TUBA4B: variants seen among roughly 807,000 people sequenced by gnomAD.
TUBA4B encodes the protein tubulin-like protein alpha-4B.
Under a neutral mutation model 18.4 loss-of-function variants are expected in TUBA4B, and 13 were observed. The observed-to-expected ratio is 0.71, with a 90% CI of 0.46 to 1.12. The LOEUF (loss-of-function observed/expected upper bound fraction) is 1.12, where lower values mean the gene tolerates loss of function less well. TUBA4B is among the 50% of genes most tolerant of loss of function. The probability of loss-of-function intolerance (pLI) is 0.00; values close to 1 mark genes in which losing one functional copy is unlikely to be tolerated. For missense variants in TUBA4B, 244 were observed against 250.0 expected (o/e 0.98, Z 0.16); for synonymous variants, 101 against 99.1 (o/e 1.02, Z -0.11).
In TUBA4B at chr2:219,253,342, G is replaced by A; in HGVS notation, c.-66G>A. 6 of 1,533,492 alleles carry A rather than the reference G, an allele frequency of 3.9e-6. No homozygotes were observed. The South Asian group carries it at 6.0e-5, about 15-fold the overall frequency. 95.0% of individuals were successfully genotyped at this position (1,533,492 alleles called of 1,614,324 possible). On this transcript the variant is annotated 5_prime_UTR_variant, in exon 1 of 4. Coordinates refer to ENST00000490341, the MANE Select transcript of TUBA4B (RefSeq NM_001355221.1). Reference sequence around the variant, plus strand: ...ACCAACCCTCTCAGCTCAGACGCGGGGTGCTGAGTCACGGGGGGGGGGTGG... The same window carrying A: ...ACCAACCCTCTCAGCTCAGACGCGGAGTGCTGAGTCACGGGGGGGGGGTGG...
chr2:219,270,252 G>A lies in TUBA4B; in HGVS notation c.109G>A (p.Asp37Asn), dbSNP rs751602158. ...HPEQLITGKEDAANNYAWGHY... is the reference protein window; with the variant it reads ...HPEQLITGKENAANNYAWGHY... Reference sequence around the variant, plus strand: ...AGAGCAGCTCATCACAGGCAAGGAAGATGCTGCCAATAACTATGCCTGGGG... The same window carrying A: ...AGAGCAGCTCATCACAGGCAAGGAAAATGCTGCCAATAACTATGCCTGGGG... The change falls in exon 3 of 4, where the codon GAT becomes AAT. Residue 37 changes from aspartate to asparagine, a missense_variant. Physicochemically the swap from Asp to Asn is conservative, Grantham distance 23. Transcript: ENST00000490341. The A allele has an allele frequency of 7.8e-6, 6 of 770,138 alleles. No individual in the cohort carries two copies. In the African/African-American group the frequency reaches 8.5e-5, roughly 11 times the overall value. 47.7% of individuals were successfully genotyped at this position (770,138 alleles called of 1,614,324 possible).
chr2:219,262,369 T>C (rs1951765146), intron 1 of TUBA4B, among the ~76,000 whole-genome samples: 1 of 152,172 alleles, frequency 6.6e-6, no homozygotes, highest in Non-Finnish European at 1.5e-5. Flanking sequence ...TCTTATAGAG[T>C]GGCTTCTGTT....
chr2:219,271,360 C>T lies in TUBA4B; in HGVS notation c.387C>T (p.Thr129=). The T allele has an allele frequency of 6.2e-7, 1 of 1,614,180 alleles. No individual in the cohort carries two copies. The highest frequency in any genetic ancestry group is 8.5e-7 in the Non-Finnish European group (1 of 1,180,026). The change falls in exon 4 of 4, where the codon ACC becomes ACT. Residue 129 remains threonine, a synonymous_variant. Transcript: ENST00000490341. ...TCCAGCCCTACAACTCTATCCTGAC[C>T]ACCCACACCACCCTGGAGCACTCAG... ...AMVQPYNSIL[T]THTTLEHSDC...
In TUBA4B at chr2:219,258,928, T is replaced by G. The variant is rs557492554; in HGVS notation, c.12+5509T>G. On this transcript the variant is annotated intron_variant, in intron 1 of 3. Transcript: ENST00000490341. ...TACCCTGGCCACTGTAGCTAAGAGT[T>G]TATAATCCTTGAGCACGCTTTCTAG... 1.5e-3 allele frequency among the ~76,000 whole-genome samples: 226 copies of G among 151,900 alleles called. 2 individuals carry two copies. Among genetic ancestry groups the G allele is most frequent in the Admixed American group, 3.7e-3 (57 of 15,212 alleles).
chr2:219,270,285 A>C lies in TUBA4B; in HGVS notation c.142A>C (p.Thr48Pro), dbSNP rs1443909827. The stretch of plus-strand genomic sequence containing the variant: ...CAATAACTATGCCTGGGGCCACTAC[A>C]CCATTGGGAAGGAGTTCATCGACCT... ...AANNYAWGHY[T>P]IGKEFIDLLL... Residue 48 changes from threonine to proline, a missense_variant, in exon 3 of 4, where the codon ACC becomes CCC. Coordinates refer to ENST00000490341, the MANE Select transcript of TUBA4B (RefSeq NM_001355221.1). 4 of 764,418 alleles carry C rather than the reference A, an allele frequency of 5.2e-6. No individual in the cohort carries two copies. Among genetic ancestry groups the C allele is most frequent in the Non-Finnish European group, 9.7e-6 (4 of 412,110 alleles). 47.4% of individuals were successfully genotyped at this position (764,418 alleles called of 1,614,324 possible).
chr2:219,263,004 G>A (rs1000992129), intron 1 of TUBA4B, among the ~76,000 whole-genome samples: 4 of 151,770 alleles, frequency 2.6e-5, no homozygotes, highest in Non-Finnish European at 5.9e-5. Context: ...TAGCACCACT[G>A]CACCCCAGCC....
intron 1 of TUBA4B, chr2:219,254,227 T>C (rs968000918): frequency 9.2e-6 from 2 of 216,458 alleles, no homozygotes; most frequent in Admixed American, 5.8e-5. Context: ...CACCTGCACC[T>C]GCGTCCTGGA....
intron 2 of TUBA4B, among the ~76,000 whole-genome samples, chr2:219,267,467 C>G (rs868239020): frequency 6.6e-6 from 1 of 152,156 alleles, no homozygotes. Context: ...TCTCTTTCTA[C>G]AGTCATGAAA....
Position 219,271,604 on chromosome 2 carries a change from A to C in TUBA4B, c.631A>C (p.Met211Leu), listed in dbSNP as rs770979097. The C allele has an allele frequency of 1.2e-6, 2 of 1,614,046 alleles. No individual in the cohort carries two copies. Among genetic ancestry groups the C allele is most frequent in the South Asian group, 2.2e-5 (2 of 91,074 alleles). Residue 211 changes from methionine to leucine, a missense_variant, in exon 4 of 4, where the codon ATG becomes CTG. Met to Leu is a conservative substitution (Grantham distance 15). Coordinates refer to ENST00000490341, the MANE Select transcript of TUBA4B (RefSeq NM_001355221.1). ...CACATCCACTTCCCCCTGGCCACCTATGCACCAGTCATCTCTGCAGAAAAG... is the reference window on the plus strand; with the variant it reads ...CACATCCACTTCCCCCTGGCCACCTCTGCACCAGTCATCTCTGCAGAAAAG... ...YLTSTSPWPP[M>L]HQSSLQKRYT...
chr2:219,271,946 G>A lies in TUBA4B; in HGVS notation c.*247G>A. On this transcript the variant is annotated 3_prime_UTR_variant, in exon 4 of 4. Transcript: ENST00000490341. ...TGAGCAACATGACAGCCATCACTATGGCCTGGGCCCGCCTGGACCACAAGT... is the reference window on the plus strand; with the variant it reads ...TGAGCAACATGACAGCCATCACTATAGCCTGGGCCCGCCTGGACCACAAGT... 1.3e-6 allele frequency: 2 copies of A among 1,506,966 alleles called. No individual in the cohort carries two copies. Among genetic ancestry groups the A allele is most frequent in the Non-Finnish European group, 9.2e-7 (1 of 1,082,830 alleles). 93.3% of individuals were successfully genotyped at this position (1,506,966 alleles called of 1,614,324 possible).
At chr2:219,259,923 T>C (rs1024912557) in intron 1 of TUBA4B, among the ~76,000 whole-genome samples, 1 of 152,232 alleles carries the variant, frequency 6.6e-6, no homozygotes, top group Admixed American at 6.5e-5. Context: ...CCCTGCAGAC[T>C]TGACTCACAT....
At chr2:219,267,790 C>G (rs544906743) in intron 2 of TUBA4B, among the ~76,000 whole-genome samples, 9 of 152,138 alleles carry the variant, frequency 5.9e-5, no homozygotes, top group Non-Finnish European at 1.2e-4. Flanking sequence ...GTCTCAATCG[C>G]CTGACCTTGT....
At chr2:219,257,110 C>G (rs1328077990) in intron 1 of TUBA4B, among the ~76,000 whole-genome samples, 2 of 138,260 alleles carry the variant, frequency 1.4e-5, no homozygotes, top group South Asian at 4.9e-4. Context: ...GTGGCGCGAT[C>G]TCGGCTCACT....
chr2:219,254,382 CG>C (rs769602490), intron 1 of TUBA4B: 1 of 152,858 alleles, frequency 6.5e-6, no homozygotes, highest in Non-Finnish European at 1.5e-5. Context: ...GGCGCGTCCC[CG>C]GGGAGCCCTT....
chr2:219,271,925 C>A lies in TUBA4B; in HGVS notation c.*226C>A. On this transcript the variant is annotated 3_prime_UTR_variant, in exon 4 of 4. Transcript: ENST00000490341. ...TGCAACGTGCCATGTGCATGCTGAGCAACATGACAGCCATCACTATGGCCT... is the reference window on the plus strand; with the variant it reads ...TGCAACGTGCCATGTGCATGCTGAGAAACATGACAGCCATCACTATGGCCT... The A allele has an allele frequency of 6.9e-7, 1 of 1,451,970 alleles. No homozygotes were observed. Among genetic ancestry groups the A allele is most frequent in the Non-Finnish European group, 9.7e-7 (1 of 1,032,586 alleles). 89.9% of individuals were successfully genotyped at this position (1,451,970 alleles called of 1,614,324 possible).
At position 219,253,362 on chromosome 2, in the gene TUBA4B, G is replaced by GGT. The variant is rs747098003; in HGVS notation, c.-45_-44insTG. 1.1e-5 allele frequency: 17 copies of GGT among 1,534,326 alleles called. No individual in the cohort carries two copies. The highest frequency in any genetic ancestry group is 1.4e-5 in the Non-Finnish European group (16 of 1,146,418). On this transcript the variant is annotated 5_prime_UTR_variant, in exon 1 of 4. Transcript: ENST00000490341. ...CGCGGGGTGCTGAGTCACGGGGGGGGGGTGGTTCTGTGGATAGTTGGAATG... is the reference window on the plus strand; with the variant it reads ...CGCGGGGTGCTGAGTCACGGGGGGGGGTGGTGGTTCTGTGGATAGTTGGAATG...
chr2:219,258,478 G>C (rs1489029168), intron 1 of TUBA4B, among the ~76,000 whole-genome samples: 1 of 150,618 alleles, frequency 6.6e-6, no homozygotes, highest in Non-Finnish European at 1.5e-5. Flanking sequence ...GCACCACCAC[G>C]CCTGGCTAGT....
rs1273160034 is a variant in TUBA4B at position 219,271,692 on chromosome 2, G to C, written c.719G>C (p.Arg240Thr). 6.2e-7 allele frequency: 1 copy of C among 1,613,358 alleles called. No homozygotes were observed. Among genetic ancestry groups the C allele is most frequent in the South Asian group, 1.1e-5 (1 of 91,066 alleles). The stretch of plus-strand genomic sequence containing the variant: ...ATGCCTGCTTTGAGCCTGCCAACCA[G>C]ATGGTGAAGTGTGATCCCCGGCACG... ...LPMPALSLPT[R>T]W The change falls in exon 4 of 4, where the codon AGA becomes ACA. Residue 240 changes from arginine to threonine, a missense_variant. Transcript: ENST00000490341.
At chr2:219,258,608 G>A (rs568543297) in intron 1 of TUBA4B, among the ~76,000 whole-genome samples, 1 of 152,224 alleles carries the variant, frequency 6.6e-6, no homozygotes, top group South Asian at 2.1e-4. Context: ...GGGATTACAG[G>A]CATGATTCAC....
Sources: allele counts gnomAD v4.1 joint callset (sites outside exome capture counted in the v4.1 genomes callset), GRCh38; gene constraint gnomAD v4.1.1; transcripts MANE v1.5; gene names NCBI Gene and HGNC (gene_info 2026-07-23, HGNC 2026-07-21).